The following SPATA17 variants were observed in gnomAD, a reference collection of about 807,000 sequenced individuals.
SPATA17 encodes the protein spermatogenesis-associated protein 17.
SPATA17 carries 53 observed loss-of-function variants against 62.2 expected under a neutral mutation model. The ratio of observed to expected loss-of-function variants is 0.85; its 90% CI spans 0.68 to 1.07. The LOEUF (loss-of-function observed/expected upper bound fraction) is 1.07, where lower values mean the gene tolerates loss of function less well. SPATA17 is among the 50% of genes least tolerant of loss of function. SPATA17 has a pLI of 0.00. For missense variants in SPATA17, 466 were observed against 425.5 expected (o/e 1.10, Z -0.84); for synonymous variants, 146 against 146.8 (o/e 0.99, Z 0.04).
chr1:217,714,488 C>CTT (rs750665329), intron 5 of SPATA17, among the ~76,000 whole-genome samples: 1 of 121,428 alleles, frequency 8.2e-6, no homozygotes, highest in Non-Finnish European at 1.7e-5. Context: ...AAACGTGTTT[C>CTT]TTTTTTTTTT....
intron 9 of SPATA17, among the ~76,000 whole-genome samples, chr1:217,856,564 C>G (rs1367879612): frequency 6.6e-6 from 1 of 152,202 alleles, no homozygotes; most frequent in East Asian, 1.9e-4. Context: ...TGTTTAGATT[C>G]AGACTGATAA....
intron 5 of SPATA17, among the ~76,000 whole-genome samples, chr1:217,708,785 A>G (rs972055342): frequency 6.6e-6 from 1 of 152,184 alleles, no homozygotes; most frequent in Non-Finnish European, 1.5e-5. Context: ...AATCCCCAAC[A>G]AAATAATAGC....
intron 3 of SPATA17, among the ~76,000 whole-genome samples, chr1:217,652,285 G>T (rs1369902821): frequency 1.3e-5 from 2 of 152,196 alleles, no homozygotes; most frequent in Non-Finnish European, 2.9e-5. Context: ...AGGCTGGAGT[G>T]CAATGGCACG....
intron 5 of SPATA17, among the ~76,000 whole-genome samples, chr1:217,706,007 G>A (rs927454793): frequency 6.6e-6 from 1 of 152,056 alleles, no homozygotes; most frequent in African/African-American, 2.4e-5. Context: ...GCTTCTTTTT[G>A]TTGATGGTTG....
At chr1:217,703,065 G>A (rs1213705331) in intron 5 of SPATA17, among the ~76,000 whole-genome samples, 2 of 151,750 alleles carry the variant, frequency 1.3e-5, no homozygotes, top group African/African-American at 4.8e-5. Flanking sequence ...TAGTAGAAAC[G>A]GGGCTTCACC....
At chr1:217,743,277 T>A (rs1672668385) in intron 6 of SPATA17, among the ~76,000 whole-genome samples, 1 of 152,040 alleles carries the variant, frequency 6.6e-6, no homozygotes, top group Admixed American at 6.6e-5. Flanking sequence ...ATATTTTAAC[T>A]TTTCATTATA....
chr1:217,740,657 T>G (rs1197261127), intron 5 of SPATA17, among the ~76,000 whole-genome samples: 1 of 152,228 alleles, frequency 6.6e-6, no homozygotes, highest in East Asian at 1.9e-4. Context: ...AGCCTTGAGA[T>G]GCAGGTCAGA....
At chr1:217,801,891 A>G (rs1249656819) in intron 9 of SPATA17, 41 bp downstream of exon 9, 2 of 1,550,314 alleles carry the variant, frequency 1.3e-6, no homozygotes, top group Non-Finnish European at 1.7e-6. Flanking sequence ...TCCTTTTTAA[A>G]AGCTAGAAAT....
chr1:217,684,907 G>A (rs1201977029), intron 5 of SPATA17, among the ~76,000 whole-genome samples: 1 of 152,146 alleles, frequency 6.6e-6, no homozygotes, highest in African/African-American at 2.4e-5. Flanking sequence ...TACCTATAGA[G>A]AAATTTGTTA....
At chr1:217,750,324 A>G (rs546032053) in intron 6 of SPATA17, among the ~76,000 whole-genome samples, 16 of 152,210 alleles carry the variant, frequency 1.1e-4, no homozygotes, top group Non-Finnish European at 1.9e-4. Flanking sequence ...GGCAATGCCT[A>G]GAGTATAAAG....
intron 9 of SPATA17, among the ~76,000 whole-genome samples, chr1:217,826,122 C>G (rs1674996874): frequency 6.6e-6 from 1 of 152,100 alleles, no homozygotes; most frequent in Non-Finnish European, 1.5e-5. Flanking sequence ...TGTGCAGGCT[C>G]TAACTCCAAG....
intron 7 of SPATA17, among the ~76,000 whole-genome samples, chr1:217,775,633 C>T (rs774456063): frequency 2.0e-5 from 3 of 151,896 alleles, no homozygotes; most frequent in Non-Finnish European, 2.9e-5. Context: ...ACTCGGGAGG[C>T]GGAGGTTGCA....
chr1:217,675,285 C>T (rs566476012), intron 4 of SPATA17, among the ~76,000 whole-genome samples: 3 of 152,276 alleles, frequency 2.0e-5, no homozygotes, highest in Non-Finnish European at 2.9e-5. Flanking sequence ...ATTCAGTTTT[C>T]AGCTGAATGC....
At chr1:217,755,560 A>T (rs1015956203) in intron 6 of SPATA17, among the ~76,000 whole-genome samples, 1 of 152,054 alleles carries the variant, frequency 6.6e-6, no homozygotes, top group Non-Finnish European at 1.5e-5. Context: ...AGCATGCCTA[A>T]TTAGTCATTC....
At chr1:217,831,699 T>G (rs1441016571) in intron 9 of SPATA17, among the ~76,000 whole-genome samples, 1 of 152,198 alleles carries the variant, frequency 6.6e-6, no homozygotes, top group Non-Finnish European at 1.5e-5. Context: ...TGTGTATGAA[T>G]CTAATGATTT....
intron 5 of SPATA17, among the ~76,000 whole-genome samples, chr1:217,734,537 C>G (rs1215923634): frequency 6.6e-6 from 1 of 152,114 alleles, no homozygotes; most frequent in Non-Finnish European, 1.5e-5. Context: ...ACAACAGAAG[C>G]ACACACTGAC....
chr1:217,789,233 C>T (rs1673940828), intron 8 of SPATA17, among the ~76,000 whole-genome samples: 1 of 152,142 alleles, frequency 6.6e-6, no homozygotes, highest in African/African-American at 2.4e-5. Context: ...AAATGAGAGA[C>T]ATCCCATAAA....
intron 4 of SPATA17, among the ~76,000 whole-genome samples, chr1:217,680,777 T>C (rs1409738040): frequency 6.6e-6 from 1 of 150,636 alleles, no homozygotes; most frequent in Non-Finnish European, 1.5e-5. Flanking sequence ...TTACAAAAAT[T>C]AGCTGGGCAT....
chr1:217,711,212 G>A (rs920597895), intron 5 of SPATA17, among the ~76,000 whole-genome samples: 2 of 152,054 alleles, frequency 1.3e-5, no homozygotes, highest in Non-Finnish European at 2.9e-5. Context: ...TGTGTCACAG[G>A]GTTTGGTGTA....
Sources: gnomAD v4.1 joint callset for allele counts (sites outside exome capture counted in the v4.1 genomes callset) on GRCh38, gnomAD v4.1.1 for gene constraint, MANE v1.5 for transcripts, NCBI Gene and HGNC (gene_info 2026-07-23, HGNC 2026-07-21) for gene names.